Variants in MIB1 observed in about 807,000 individuals in gnomAD.
The protein encoded by MIB1 is E3 ubiquitin-protein ligase MIB1.
A neutral mutation model predicts 124.5 loss-of-function variants in MIB1; 278 were observed. The observed-to-expected ratio is 2.23, with a 90% CI of 2.02 to 2.47. The LOEUF (loss-of-function observed/expected upper bound fraction) is 2.47, where lower values mean the gene tolerates loss of function less well. Among genes scored for constraint, MIB1 ranks in the 30% most tolerant of loss-of-function variants. The pLI is 0.00. For missense variants in MIB1, 957 were observed against 1,254.4 expected (o/e 0.76, Z 3.58); for synonymous variants, 446 against 429.4 (o/e 1.04, Z -0.48).
At chr18:21,847,875 C>A (rs1460633555) in intron 16 of MIB1, among the ~76,000 whole-genome samples, 1 of 152,168 alleles carries the variant, frequency 6.6e-6, no homozygotes, top group African/African-American at 2.4e-5. Flanking sequence ...TAACTAATTT[C>A]CTTATGAGAT....
At chr18:21,848,312 TG>T (rs2042152119) in intron 16 of MIB1, among the ~76,000 whole-genome samples, 1 of 151,858 alleles carries the variant, frequency 6.6e-6, no homozygotes, top group Non-Finnish European at 1.5e-5. Context: ...AAAAACTAGC[TG>T]GGCGCATGCC....
intron 4 of MIB1, among the ~76,000 whole-genome samples, chr18:21,776,677 G>A (rs991973717): frequency 8.5e-5 from 13 of 152,150 alleles, no homozygotes; most frequent in Non-Finnish European, 1.3e-4. Context: ...AGGTTATGGC[G>A]AAGTAAGGAC....
At chr18:21,828,812 T>C (rs1322668025) in intron 12 of MIB1, 1 of 188,762 alleles carries the variant, frequency 5.3e-6, no homozygotes, top group African/African-American at 2.4e-5. Flanking sequence ...CTGGATCTTC[T>C]TTTCCTTCAT....
chr18:21,708,580 C>A (rs28522516), intron 1 of MIB1, among the ~76,000 whole-genome samples: 6,632 of 152,058 alleles, frequency 0.044, 496 homozygotes, highest in African/African-American at 0.15. Context: ...TGCTTGAACC[C>A]GGGAAGGCGG....
rs767164747 is a variant in MIB1, at chr18:21,846,979, G to A, written c.2247G>A (p.Lys749=). 6.2e-7 allele frequency: 1 copy of A among 1,614,128 alleles called. No individual in the cohort carries two copies. Among genetic ancestry groups the A allele is most frequent in the South Asian group, 1.1e-5 (1 of 91,072 alleles). The change falls in exon 16 of 21, where the codon AAG becomes AAA. Residue 749 remains lysine, a synonymous_variant. Transcript: ENST00000261537. ...GACTTGGTACCCAGGGGGCAGAGAA[G>A]AAGAGTGCAGCATCTATTGCCTGTT... ...IMGLGTQGAE[K]KSAASIACFL...
At chr18:21,824,914 C>T (rs1397288669) in intron 12 of MIB1, among the ~76,000 whole-genome samples, 1 of 151,958 alleles carries the variant, frequency 6.6e-6, no homozygotes, top group Non-Finnish European at 1.5e-5. Flanking sequence ...TTTATCCCCA[C>T]TGAAGGAGAA....
At position 21,742,415 on chromosome 18, in the gene MIB1, C is replaced by G. The variant is rs180991763; in HGVS notation, c.229+603C>G. On this transcript the variant is annotated intron_variant, in intron 1 of 20. Coordinates refer to ENST00000261537, the MANE Select transcript of MIB1 (RefSeq NM_020774.4). ...TTTATATCAATAGAGAGAAAAACAT[C>G]CTGAGCTCTTGAACCATTTCTTTGT... Among the ~76,000 whole-genome samples the G allele has an allele frequency of 1.9e-3, 287 of 152,036 alleles. 2 individuals are homozygous for G. The highest frequency in any genetic ancestry group is 6.5e-3 in the African/African-American group (271 of 41,476).
intron 6 of MIB1, among the ~76,000 whole-genome samples, chr18:21,782,411 C>T (rs1038052901): frequency 1.3e-5 from 2 of 152,216 alleles, no homozygotes; most frequent in African/African-American, 4.8e-5. Context: ...GCATGAACCA[C>T]TGCATCTGGC....
At chr18:21,727,507 C>G (rs1419876111) in intron 1 of MIB1, among the ~76,000 whole-genome samples, 1 of 152,136 alleles carries the variant, frequency 6.6e-6, no homozygotes, top group Non-Finnish European at 1.5e-5. Flanking sequence ...CTTTGGGAGG[C>G]CAAGGTGGGA....
chr18:21,851,944 C>CAATT (rs2042183965), intron 17 of MIB1, among the ~76,000 whole-genome samples: 1 of 151,850 alleles, frequency 6.6e-6, no homozygotes, highest in South Asian at 2.1e-4. Flanking sequence ...TCTTCAGAAA[C>CAATT]AATTCAGACA....
At chr18:21,707,998 C>G (rs1183043157) in intron 1 of MIB1, among the ~76,000 whole-genome samples, 2 of 152,168 alleles carry the variant, frequency 1.3e-5, no homozygotes, top group African/African-American at 4.8e-5. Flanking sequence ...GATGTCTCTT[C>G]CTCCTCTTTT....
chr18:21,722,044 T>C (rs1170583432), intron 1 of MIB1, among the ~76,000 whole-genome samples: 1 of 151,608 alleles, frequency 6.6e-6, no homozygotes, highest in Non-Finnish European at 1.5e-5. Flanking sequence ...AGCTTCTTAA[T>C]CTTTCCGTGT....
chr18:21,739,123 G>A (rs1039604995), upstream of MIB1, among the ~76,000 whole-genome samples: 1 of 152,016 alleles, frequency 6.6e-6, no homozygotes, highest in African/African-American at 2.4e-5. Context: ...CAATCCCACA[G>A]AAATACAAAC....
chr18:21,838,326 A>AT, intron 12 of MIB1, 39 bp from the exon 13 acceptor site: 1 of 1,457,434 alleles, frequency 6.9e-7, no homozygotes, highest in East Asian at 2.4e-5. Flanking sequence ...AGTATATCAA[A>AT]TTATGCAAAT....
chr18:21,710,337 G>A (rs888091167), intron 1 of MIB1, among the ~76,000 whole-genome samples: 11 of 152,028 alleles, frequency 7.2e-5, no homozygotes, highest in African/African-American at 2.6e-4. Context: ...CAAGTGATCC[G>A]CCCGCCTGAG....
At position 21,857,177 on chromosome 18, in the gene MIB1, G is replaced by T; in HGVS notation, c.2713G>T (p.Glu905Ter). The T allele has an allele frequency of 6.2e-7, 1 of 1,614,186 alleles. No individual in the cohort carries two copies. Among genetic ancestry groups the T allele is most frequent in the Non-Finnish European group, 8.5e-7 (1 of 1,180,022 alleles). The part of the protein sequence containing the change: ...KKCVQCRAVV[E>*]RRVPFIMCCG... ...GTGTGTGCAGTGTCGAGCAGTAGTT[G>T]AACGAAGAGTGCCTTTCATTATGTG... Residue 905 changes from glutamate to a stop codon, truncating the protein, a stop_gained, in exon 19 of 21, where the codon GAA (glutamate) becomes TAA (stop). Transcript: ENST00000261537. LOFTEE classifies it high-confidence loss of function.
intron 4 of MIB1, among the ~76,000 whole-genome samples, chr18:21,774,363 T>C (rs1598603911): frequency 6.6e-6 from 1 of 152,136 alleles, no homozygotes; most frequent in Non-Finnish European, 1.5e-5. Flanking sequence ...CCCAGGTGGG[T>C]GGATCACTTG....
chr18:21,849,528 C>A, intron 17 of MIB1, 140 bp downstream of exon 17: 1 of 454,554 alleles, frequency 2.2e-6, no homozygotes, highest in Non-Finnish European at 3.8e-6. Context: ...TATATAATTT[C>A]TGCATTTATC....
upstream of MIB1, among the ~76,000 whole-genome samples, chr18:21,740,779 C>T (rs954268972): frequency 4.6e-5 from 7 of 152,254 alleles, no homozygotes; most frequent in African/African-American, 9.6e-5. Flanking sequence ...AGACCGCGCG[C>T]ATGCGCACTC....
Sources: allele counts gnomAD v4.1 joint callset (sites outside exome capture counted in the v4.1 genomes callset), GRCh38; gene constraint gnomAD v4.1.1; transcripts MANE v1.5; gene names NCBI Gene and HGNC (gene_info 2026-07-23, HGNC 2026-07-21).